DYNC2H1: variants seen among roughly 807,000 people sequenced by gnomAD.
The protein encoded by DYNC2H1 is cytoplasmic dynein 2 heavy chain 1.
Under a neutral mutation model 570.0 loss-of-function variants are expected in DYNC2H1, and 410 were observed. The ratio of observed to expected loss-of-function variants is 0.72; its 90% CI spans 0.66 to 0.78. DYNC2H1 has a LOEUF of 0.78. Ranked by LOEUF, DYNC2H1 falls within the 30% of genes least tolerant of loss-of-function variation. The probability of loss-of-function intolerance (pLI) is 0.00; values close to 1 mark genes in which losing one functional copy is unlikely to be tolerated. For missense variants in DYNC2H1, 4,865 were observed against 5,046.4 expected, an observed-to-expected ratio of 0.96 and a Z score of 1.09; for synonymous variants, 1,688 against 1,677.6, an observed-to-expected ratio of 1.01 and a Z score of -0.15.
chr11:103,317,992 C>A (rs540215967), intron 80 of DYNC2H1, among the ~76,000 whole-genome samples: 3 of 152,144 alleles, frequency 2.0e-5, no homozygotes, highest in Admixed American at 6.6e-5. Flanking sequence ...TATAACAGTG[C>A]CTAGCCCATC....
chr11:103,337,002 A>G lies in DYNC2H1; in HGVS notation c.12039+13012A>G, dbSNP rs559363836. On this transcript the variant is annotated intron_variant, in intron 82 of 88. Transcript: ENST00000375735. Reference sequence around the variant, plus strand: ...GCACTGTGACATGTTCGTGATGGCCATGACGCCCACGCTGAAGGTCATGGG... The same window carrying G: ...GCACTGTGACATGTTCGTGATGGCCGTGACGCCCACGCTGAAGGTCATGGG... 7.2e-5 allele frequency among the ~76,000 whole-genome samples: 11 copies of G among 152,308 alleles called. No homozygotes were observed. The East Asian group carries it at 1.7e-3, about 24-fold the overall frequency.
Position 103,239,155 on chromosome 11 carries a change from T to C in DYNC2H1, c.9819+2616T>C, listed in dbSNP as rs1013546560. Among the ~76,000 whole-genome samples the C allele has an allele frequency of 6.6e-6, 1 of 152,190 alleles. No homozygotes were observed. The highest frequency in any genetic ancestry group is 1.5e-5 in the Non-Finnish European group (1 of 68,020). On this transcript the variant is annotated intron_variant, in intron 63 of 88. Coordinates refer to ENST00000375735, the MANE Select transcript of DYNC2H1 (RefSeq NM_001377.3). The surrounding 1 kb of genome is among the most constrained non-coding windows in gnomAD (Gnocchi z 4.3). ...TGGGTTTTTCTTGTGATGACATCTA[T>C]TGAATATTTGTGTTTTATTGTTATA...
rs1269031606 is a variant in DYNC2H1, at chr11:103,148,478, G to T, written c.2819-12G>T. 6.4e-7 allele frequency: 1 copy of T among 1,550,962 alleles called. No individual in the cohort carries two copies. The highest frequency in any genetic ancestry group is 8.7e-7 in the Non-Finnish European group (1 of 1,147,138). ...TAATTAACATTTCTTGTATTTCAAT[G>T]TTACCACTCAGCTCATTTACATGAA... On this transcript the variant is annotated splice_polypyrimidine_tract_variant and intron_variant, in intron 19 of 88. Transcript: ENST00000375735.
At position 103,465,160 on chromosome 11, in the gene DYNC2H1, T is replaced by C. The variant is rs1444136428; in HGVS notation, c.12649-3429T>C. Among the ~76,000 whole-genome samples, 5 of 151,962 alleles carry C rather than the reference T, an allele frequency of 3.3e-5. No individual in the cohort carries two copies. The highest frequency in any genetic ancestry group is 1.5e-5 in the Non-Finnish European group (1 of 67,966). On this transcript the variant is annotated intron_variant, in intron 87 of 88. Coordinates refer to ENST00000375735, the MANE Select transcript of DYNC2H1 (RefSeq NM_001377.3). The surrounding 1 kb of genome is among the most constrained non-coding windows in gnomAD (Gnocchi z 4.9). ...AAAAAAAGGTAAAGAGAAAAAAATATAAAATGGGAATAATACCAAATATAT... is the reference window on the plus strand; with the variant it reads ...AAAAAAAGGTAAAGAGAAAAAAATACAAAATGGGAATAATACCAAATATAT...
rs185146924 is a variant in DYNC2H1, at chr11:103,256,299, T to C, written c.10461+59T>C. 8.1e-6 allele frequency: 12 copies of C among 1,484,058 alleles called. No individual in the cohort carries two copies. Among genetic ancestry groups the C allele is most frequent in the Admixed American group, 2.4e-5 (1 of 41,794 alleles). The allele number at this position is 1,484,058 out of a possible 1,614,324, so 91.9% of individuals were successfully genotyped here. On this transcript the variant is annotated intron_variant, in intron 68 of 88. Transcript: ENST00000375735. The surrounding 1 kb of genome is among the most constrained non-coding windows in gnomAD (Gnocchi z 4.0). ...GTTTTCTTGAACATTTAGGTTAATA[T>C]GATAGAAAATGTAGAATCAGGTCCT...
At chr11:103,212,213 C>G (rs1863184278) in intron 54 of DYNC2H1, among the ~76,000 whole-genome samples, 1 of 151,848 alleles carries the variant, frequency 6.6e-6, no homozygotes, top group Non-Finnish European at 1.5e-5. Context: ...CTTTAAGAGT[C>G]TCTTTCACAT....
At chr11:103,318,979 T>G (rs988209973) in intron 80 of DYNC2H1, among the ~76,000 whole-genome samples, 17 of 152,138 alleles carry the variant, frequency 1.1e-4, no homozygotes, top group Non-Finnish European at 2.2e-4. Context: ...ATTTTTTTTT[T>G]GGAGGATATA....
intron 84 of DYNC2H1, among the ~76,000 whole-genome samples, chr11:103,408,723 A>ACACT (rs935890713): frequency 6.6e-6 from 1 of 152,050 alleles, no homozygotes; most frequent in African/African-American, 2.4e-5. Flanking sequence ...ACTCTAGAAT[A>ACACT]GGATTACACT....
intron 84 of DYNC2H1, among the ~76,000 whole-genome samples, chr11:103,424,146 T>TA (rs1943586442): frequency 6.6e-6 from 1 of 152,112 alleles, no homozygotes; most frequent in African/African-American, 2.4e-5. Context: ...GGGGGATTGA[T>TA]AAAAATATTC....
In DYNC2H1 at chr11:103,136,194, G is replaced by T. The variant is rs1267237396; in HGVS notation, c.2574+246G>T. Among the ~76,000 whole-genome samples the T allele has an allele frequency of 3.1e-4, 46 of 148,338 alleles. 3 individuals are homozygous for T. The highest frequency in any genetic ancestry group is 3.0e-5 in the Non-Finnish European group (2 of 66,634). On this transcript the variant is annotated intron_variant, in intron 17 of 88. Transcript: ENST00000375735. Reference sequence around the variant, plus strand: ...GACAATTGAGAAACTTGTTTTTTTTGGTTTTTTATTTTTATTTTTTATTTT... The same window carrying T: ...GACAATTGAGAAACTTGTTTTTTTTTGTTTTTTATTTTTATTTTTTATTTT...
intron 55 of DYNC2H1, among the ~76,000 whole-genome samples, chr11:103,218,632 C>A (rs1252967162): frequency 1.3e-5 from 2 of 152,042 alleles, no homozygotes; most frequent in African/African-American, 4.8e-5. Flanking sequence ...GTTTTGATTA[C>A]CATGTGTTTA....
intron 52 of DYNC2H1, among the ~76,000 whole-genome samples, chr11:103,208,873 CAG>C (rs1307380944): frequency 3.9e-5 from 6 of 152,192 alleles, no homozygotes; most frequent in Middle Eastern, 3.4e-3. Context: ...AGGGAAGGAA[CAG>C]GGGCAAATCA....
At chr11:103,226,270 T>C (rs1446616386) in intron 59 of DYNC2H1, among the ~76,000 whole-genome samples, 1 of 149,802 alleles carries the variant, frequency 6.7e-6, no homozygotes, top group Non-Finnish European at 1.5e-5. Flanking sequence ...GTGGTGAAAG[T>C]GGGCATCCTT....
intron 40 of DYNC2H1, among the ~76,000 whole-genome samples, chr11:103,183,523 T>C (rs769839755): frequency 2.6e-5 from 4 of 151,868 alleles, no homozygotes; most frequent in Admixed American, 6.6e-5. Context: ...TTCTTTTCTT[T>C]TTATCCTGTA....
At chr11:103,411,623 A>G (rs186899766) in intron 84 of DYNC2H1, among the ~76,000 whole-genome samples, 2 of 152,230 alleles carry the variant, frequency 1.3e-5, no homozygotes, top group African/African-American at 4.8e-5. Context: ...GATAAAGAAC[A>G]AAAAGGGCTT....
At chr11:103,146,719 C>CCTGAGT (rs1860259709) in intron 18 of DYNC2H1, among the ~76,000 whole-genome samples, 3 of 152,056 alleles carry the variant, frequency 2.0e-5, no homozygotes, top group African/African-American at 7.3e-5. Context: ...TCTCCTACCT[C>CCTGAGT]AGCCTCCTGA....
At chr11:103,364,599 GTTT>G in intron 83 of DYNC2H1, among the ~76,000 whole-genome samples, 1 of 130,104 alleles carries the variant, frequency 7.7e-6, no homozygotes, top group South Asian at 2.5e-4. Context: ...AAATCTTGTT[GTTT>G]TTTTTTTTTT....
At chr11:103,318,103 T>C (rs2135431173) in intron 80 of DYNC2H1, among the ~76,000 whole-genome samples, 1 of 152,244 alleles carries the variant, frequency 6.6e-6, no homozygotes, top group Non-Finnish European at 1.5e-5. Context: ...TGTGGCCAAG[T>C]CCCATTTTAA....
In DYNC2H1 at chr11:103,222,137, G is replaced by C. The variant is rs1317093659; in HGVS notation, c.9215G>C (p.Gly3072Ala). The part of the protein sequence containing the change: ...SVEELLFKNK[G>A]SFDPKNAKRA... Reference sequence around the variant, plus strand: ...GAAGAACTTCTTTTTAAAAATAAAGGCTCTTTTGATCCAAAGGTAATTTTT... The same window carrying C: ...GAAGAACTTCTTTTTAAAAATAAAGCCTCTTTTGATCCAAAGGTAATTTTT... The change falls in exon 58 of 89, where the codon GGC (glycine) becomes GCC (alanine). Residue 3072 changes from glycine to alanine, a missense_variant. Coordinates refer to ENST00000375735, the MANE Select transcript of DYNC2H1 (RefSeq NM_001377.3). 2 of 1,566,452 alleles carry C rather than the reference G, an allele frequency of 1.3e-6. No individual in the cohort carries two copies. Among genetic ancestry groups the C allele is most frequent in the South Asian group, 1.2e-5 (1 of 83,580 alleles).
Sources: gnomAD v4.1 joint callset for allele counts (sites outside exome capture counted in the v4.1 genomes callset) on GRCh38, gnomAD v4.1.1 for gene constraint, Gnocchi (gnomAD v3.1) non-coding constraint, MANE v1.5 for transcripts, NCBI Gene and HGNC (gene_info 2026-07-23, HGNC 2026-07-21) for gene names.